Variants in MGAT5 observed in about 807,000 individuals in gnomAD.
MGAT5 encodes alpha-1,6-mannosylglycoprotein 6-beta-N-acetylglucosaminyltransferase, also known as alpha-1,6-mannosylglycoprotein 6-beta-N-acetylglucosaminyltransferase A.
In MGAT5, 30 loss-of-function variants were observed where a neutral mutation model predicts 94.3. The ratio of observed to expected loss-of-function variants is 0.32; its 90% CI spans 0.24 to 0.43. The LOEUF (loss-of-function observed/expected upper bound fraction) is 0.43, where lower values mean the gene tolerates loss of function less well. Among genes scored for constraint, MGAT5 ranks in the 20% least tolerant of loss-of-function variants. MGAT5 has a pLI of 1.00. For missense variants in MGAT5, 691 were observed against 905.5 expected (o/e 0.76, Z 3.04); for synonymous variants, 310 against 322.9 (o/e 0.96, Z 0.43).
At chr2:134,344,175 C>G (rs548171963) in intron 7 of MGAT5, among the ~76,000 whole-genome samples, 10 of 152,232 alleles carry the variant, frequency 6.6e-5, no homozygotes, top group African/African-American at 2.4e-4. Context: ...CTGACTCGTT[C>G]CTACACATGA....
intron 1 of MGAT5, among the ~76,000 whole-genome samples, chr2:134,130,578 G>A (rs1686103969): frequency 6.6e-6 from 1 of 151,968 alleles, no homozygotes; most frequent in African/African-American, 2.4e-5. Flanking sequence ...GCACCAATCA[G>A]CACTTTGTAT....
chr2:134,300,599 T>C (rs1012653446), intron 2 of MGAT5, among the ~76,000 whole-genome samples: 1 of 152,138 alleles, frequency 6.6e-6, no homozygotes, highest in Non-Finnish European at 1.5e-5. Flanking sequence ...AAGTCCAAGA[T>C]TACAATTTCC....
chr2:134,176,572 T>TAAAAAAAAAAAA (rs66689362), intron 1 of MGAT5, among the ~76,000 whole-genome samples: 57 of 83,274 alleles, frequency 6.8e-4, no homozygotes, highest in African/African-American at 2.8e-3. Flanking sequence ...GACTCTGTCT[T>TAAAAAAAAAAAA]AAAAAAAAAA....
chr2:134,378,324 A>G (rs1401906273), intron 10 of MGAT5, among the ~76,000 whole-genome samples: 1 of 152,228 alleles, frequency 6.6e-6, no homozygotes, highest in Non-Finnish European at 1.5e-5. Flanking sequence ...ACTGGGAGGC[A>G]GAGCCCATAG....
chr2:134,412,779 C>T, intron 11 of MGAT5, 90 bp from the exon 12 acceptor site: 1 of 1,530,900 alleles, frequency 6.5e-7, no homozygotes, highest in Non-Finnish European at 8.9e-7. Flanking sequence ...GAATGGGCCA[C>T]AGAATCGCCG....
chr2:134,378,652 G>A (rs1029473206), intron 10 of MGAT5, among the ~76,000 whole-genome samples: 24 of 137,362 alleles, frequency 1.7e-4, no homozygotes, highest in African/African-American at 6.3e-4. Flanking sequence ...ATCTCACTCT[G>A]TCGCCCAGGC....
At chr2:134,197,552 C>T (rs965588039) in intron 1 of MGAT5, among the ~76,000 whole-genome samples, 3 of 152,120 alleles carry the variant, frequency 2.0e-5, no homozygotes, top group African/African-American at 4.8e-5. Context: ...ACGATGATGT[C>T]GGCCATCTTG....
intron 1 of MGAT5, among the ~76,000 whole-genome samples, chr2:134,229,154 A>G (rs1681218965): frequency 6.6e-6 from 1 of 152,126 alleles, no homozygotes; most frequent in Non-Finnish European, 1.5e-5. Flanking sequence ...CAAAAAAAAT[A>G]TCAGGAAAAA....
chr2:134,449,776 A>C lies in MGAT5; in HGVS notation c.*929A>C, dbSNP rs923770590. ...ACTCACGCTGTTCATGGACTTGGAG[A>C]GGATTATCTTTGAGCCAAGATTTGG... On this transcript the variant is annotated 3_prime_UTR_variant, in exon 16 of 16. Coordinates refer to ENST00000281923, the MANE Select transcript of MGAT5 (RefSeq NM_002410.5). The C allele has an allele frequency of 6.6e-6, 1 of 152,188 alleles. No homozygotes were observed. Among genetic ancestry groups the C allele is most frequent in the Non-Finnish European group, 1.5e-5 (1 of 68,048 alleles). The allele number at this position is 152,188 out of a possible 1,614,324, so 9.4% of individuals were successfully genotyped here.
chr2:134,427,854 C>T (rs918881940), intron 13 of MGAT5, among the ~76,000 whole-genome samples: 1 of 152,250 alleles, frequency 6.6e-6, no homozygotes, highest in Non-Finnish European at 1.5e-5. Context: ...AGACCAAATA[C>T]AGGTCACTGT....
chr2:134,442,577 C>T (rs1685545732), intron 15 of MGAT5, among the ~76,000 whole-genome samples: 1 of 152,168 alleles, frequency 6.6e-6, no homozygotes, highest in Non-Finnish European at 1.5e-5. Flanking sequence ...TGGCCCAGGG[C>T]TGCACAGGGG....
Position 134,312,071 on chromosome 2 carries a change from G to A in MGAT5, c.407-5458G>A, listed in dbSNP as rs536909858. 1.2e-4 allele frequency among the ~76,000 whole-genome samples: 18 copies of A among 152,200 alleles called. No individual in the cohort carries two copies. In the South Asian group the frequency reaches 3.1e-3, roughly 26 times the overall value. On this transcript the variant is annotated intron_variant, in intron 2 of 15. Coordinates refer to ENST00000281923, the MANE Select transcript of MGAT5 (RefSeq NM_002410.5). ...TCGAGACCAGCCTGGCCAACATGGC[G>A]AAACCACATTTCTACTAAAAATGCA...
chr2:134,419,612 T>C (rs1194083756), intron 12 of MGAT5, among the ~76,000 whole-genome samples: 1 of 148,812 alleles, frequency 6.7e-6, no homozygotes, highest in Non-Finnish European at 1.5e-5. Context: ...TTGATTGATA[T>C]ACAATGAAGT....
rs78960550 is a variant in MGAT5 at position 134,339,812 on chromosome 2, C to T, written c.807+1392C>T. ...TATATCCATCCAGTTTTGATGGAAG[C>T]GCACAGAAAAAGACTGTTCTTAGTG... On this transcript the variant is annotated intron_variant, in intron 6 of 15. Transcript: ENST00000281923. 4.6e-3 allele frequency among the ~76,000 whole-genome samples: 702 copies of T among 152,156 alleles called. 5 individuals carry two copies. Among genetic ancestry groups the T allele is most frequent in the African/African-American group, 0.016 (667 of 41,524 alleles).
intron 9 of MGAT5, among the ~76,000 whole-genome samples, chr2:134,356,733 A>C (rs553046720): frequency 2.8e-4 from 42 of 152,058 alleles, no homozygotes; most frequent in African/African-American, 9.2e-4. Context: ...ATTTCTCTCT[A>C]CTTCCTTGCT....
intron 2 of MGAT5, among the ~76,000 whole-genome samples, chr2:134,296,368 G>A (rs1269824303): frequency 6.6e-6 from 1 of 152,138 alleles, no homozygotes; most frequent in East Asian, 1.9e-4. Context: ...CGAGGGAGTG[G>A]CTGCCTGGCT....
chr2:134,133,744 T>G (rs1285073606), intron 1 of MGAT5, among the ~76,000 whole-genome samples: 3 of 152,054 alleles, frequency 2.0e-5, no homozygotes, highest in African/African-American at 7.2e-5. Flanking sequence ...GAGTTTGGGT[T>G]AGAGTTTTTA....
At chr2:134,321,659 G>T (rs963175266) in intron 4 of MGAT5, among the ~76,000 whole-genome samples, 1 of 152,180 alleles carries the variant, frequency 6.6e-6, no homozygotes, top group Non-Finnish European at 1.5e-5. Flanking sequence ...TGTGAAATAC[G>T]CTTCATTAGC....
intron 1 of MGAT5, among the ~76,000 whole-genome samples, chr2:134,192,669 AT>A (rs1324522548): frequency 9.3e-4 from 142 of 152,048 alleles, no homozygotes; most frequent in African/African-American, 3.0e-3. Flanking sequence ...AAATTTTTTT[AT>A]TTTTTTATTT....
Sources: gnomAD v4.1 joint callset for allele counts (sites outside exome capture counted in the v4.1 genomes callset) on GRCh38, gnomAD v4.1.1 for gene constraint, MANE v1.5 for transcripts, NCBI Gene and HGNC (gene_info 2026-07-23, HGNC 2026-07-21) for gene names.